The following DOCK5 variants were observed in gnomAD, a reference collection of about 807,000 sequenced individuals.
The protein encoded by DOCK5 is dedicator of cytokinesis 5.
DOCK5 carries 142 observed loss-of-function variants against 251.8 expected under a neutral mutation model. That is an observed-to-expected ratio of 0.56 (90% CI 0.49 to 0.65). The LOEUF (loss-of-function observed/expected upper bound fraction) is 0.65. Ranked by LOEUF, DOCK5 falls within the 30% of genes least tolerant of loss-of-function variation. The probability of loss-of-function intolerance (pLI) is 0.00; values close to 1 mark genes in which losing one functional copy is unlikely to be tolerated. For synonymous variants in DOCK5, 842 were observed against 835.5 expected, an observed-to-expected ratio of 1.01 and a Z score of -0.13; for missense variants, 2,111 against 2,312.3, an observed-to-expected ratio of 0.91 and a Z score of 1.79.
intron 16 of DOCK5, among the ~76,000 whole-genome samples, chr8:25,323,234 G>C (rs922046534): frequency 6.6e-6 from 1 of 152,214 alleles, no homozygotes; most frequent in Admixed American, 6.5e-5. Flanking sequence ...TGGCACTGGA[G>C]CTGGTATTCT....
intron 1 of DOCK5, among the ~76,000 whole-genome samples, chr8:25,232,774 G>T (rs1802703279): frequency 6.6e-6 from 1 of 152,114 alleles, no homozygotes; most frequent in South Asian, 2.1e-4. Context: ...GGGTACAGGA[G>T]ACAAACATTC....
In DOCK5 at chr8:25,331,801, TAGAGAGAGAGAGAGAGAGAGAG is replaced by T. The variant is rs59239520; in HGVS notation, c.1904-430_1904-409del. 3.0e-4 allele frequency among the ~76,000 whole-genome samples: 36 copies of T among 118,514 alleles called. No individual in the cohort carries two copies. In the South Asian group the frequency reaches 4.0e-3, roughly 13 times the overall value. 77.7% of individuals were successfully genotyped at this position (118,514 alleles called of 152,430 possible). On this transcript the variant is annotated intron_variant, in intron 18 of 51. Coordinates refer to ENST00000276440, the MANE Select transcript of DOCK5 (RefSeq NM_024940.8). ...TAATGCATATATATATATATATATA[TAGAGAGAGAGAGAGAGAGAGAG>T]AGAGAGAGAGAGAGAGAGATACACA...
chr8:25,357,036 G>A (rs1800588311), intron 27 of DOCK5, among the ~76,000 whole-genome samples: 1 of 151,004 alleles, frequency 6.6e-6, no homozygotes, highest in African/African-American at 2.4e-5. Context: ...GCTATTATAA[G>A]CCACTAAGCA....
In DOCK5 at chr8:25,282,261, ATTGACAG is replaced by A. The variant is rs534587719; in HGVS notation, c.321+3599_321+3605del. ...TTTTTTTCCTGTCCCTTCCTAAAGC[ATTGACAG>A]TTAACTTGAGGCAGAACTTCTGAAC... On this transcript the variant is annotated intron_variant, in intron 5 of 51. Coordinates refer to ENST00000276440, the MANE Select transcript of DOCK5 (RefSeq NM_024940.8). 6.0e-3 allele frequency among the ~76,000 whole-genome samples: 913 copies of A among 151,142 alleles called. 6 individuals are homozygous for A. Among genetic ancestry groups the A allele is most frequent in the South Asian group, 0.019 (92 of 4,778 alleles).
At chr8:25,351,202 T>A (rs1369558517) in intron 26 of DOCK5, among the ~76,000 whole-genome samples, 1 of 152,026 alleles carries the variant, frequency 6.6e-6, no homozygotes, top group Non-Finnish European at 1.5e-5. Flanking sequence ...GGACTACAGA[T>A]GCCCGCCACC....
At chr8:25,288,832 A>C (rs1224235571) in intron 5 of DOCK5, among the ~76,000 whole-genome samples, 1 of 152,258 alleles carries the variant, frequency 6.6e-6, no homozygotes, top group Admixed American at 6.5e-5. Flanking sequence ...GCTTATTAAA[A>C]ATAGTATCTT....
At chr8:25,240,325 A>C (rs1420523814) in intron 1 of DOCK5, among the ~76,000 whole-genome samples, 1 of 152,172 alleles carries the variant, frequency 6.6e-6, no homozygotes, top group South Asian at 2.1e-4. Context: ...TATATACCAT[A>C]AAATCCACCC....
chr8:25,275,318 C>CTG, intron 3 of DOCK5, 68 bp from the exon 4 acceptor site: 2 of 1,314,660 alleles, frequency 1.5e-6, no homozygotes, highest in Non-Finnish European at 2.1e-6. Flanking sequence ...TTACTTTGGG[C>CTG]TGAGGTGTTT....
chr8:25,203,475 A>G (rs1376276072), intron 1 of DOCK5, among the ~76,000 whole-genome samples: 2 of 152,232 alleles, frequency 1.3e-5, no homozygotes, highest in African/African-American at 4.8e-5. Context: ...GATCTAAGCC[A>G]AGAGCCTTGG....
At chr8:25,189,042 C>CT (rs1432735816) in intron 1 of DOCK5, among the ~76,000 whole-genome samples, 173 of 97,614 alleles carry the variant, frequency 1.8e-3, no homozygotes, top group Middle Eastern at 5.7e-3. Context: ...TTCTTTCTTT[C>CT]TTTCTTTTTT....
intron 40 of DOCK5, among the ~76,000 whole-genome samples, chr8:25,387,372 G>A (rs1285487891): frequency 6.6e-6 from 1 of 152,038 alleles, no homozygotes; most frequent in African/African-American, 2.4e-5. Flanking sequence ...TAGATATGGG[G>A]TCTCACTATC....
At chr8:25,348,826 A>T (rs1444103511) in intron 26 of DOCK5, among the ~76,000 whole-genome samples, 2 of 150,058 alleles carry the variant, frequency 1.3e-5, no homozygotes, top group Non-Finnish European at 3.0e-5. Context: ...CAACAGAGCG[A>T]GACTCTGTCT....
chr8:25,213,948 A>C (rs1802165455), intron 1 of DOCK5, among the ~76,000 whole-genome samples: 3 of 152,180 alleles, frequency 2.0e-5, no homozygotes, highest in Admixed American at 2.0e-4. Flanking sequence ...CAGATTTTAG[A>C]ATATTTGTGT....
chr8:25,194,164 C>T lies in DOCK5; in HGVS notation c.43+9213C>T, dbSNP rs11993296. Among the ~76,000 whole-genome samples the T allele has an allele frequency of 3.1e-3, 464 of 150,660 alleles. 3 individuals are homozygous for T. The highest frequency in any genetic ancestry group is 9.6e-3 in the African/African-American group (393 of 41,106). On this transcript the variant is annotated intron_variant, in intron 1 of 51. Transcript: ENST00000276440. ...AAAAAATTAGCCAGGTGTGGCGGTG[C>T]TCACCTGTCATTGCAGCTACTAGGG...
Position 25,413,297 on chromosome 8 carries a change from G to C in DOCK5, c.*1999G>C, listed in dbSNP as rs1313526698. ...CATACTTTTTTTTTCTTCCAAGGTA[G>C]TTTGGAATGTGAGTGCAAGTTAGTT... On this transcript the variant is annotated 3_prime_UTR_variant, in exon 52 of 52. Coordinates refer to ENST00000276440, the MANE Select transcript of DOCK5 (RefSeq NM_024940.8). 1.3e-5 allele frequency: 2 copies of C among 152,128 alleles called. No individual in the cohort carries two copies. The highest frequency in any genetic ancestry group is 4.8e-5 in the African/African-American group (2 of 41,426). The allele number at this position is 152,128 out of a possible 1,614,324, so 9.4% of individuals were successfully genotyped here.
intron 27 of DOCK5, among the ~76,000 whole-genome samples, chr8:25,355,929 A>C (rs572068316): frequency 1.1e-3 from 163 of 152,050 alleles, no homozygotes; most frequent in African/African-American, 3.9e-3. Flanking sequence ...ATGGTGGCTC[A>C]CGCCTGTAAT....
chr8:25,365,657 A>G (rs1800762686), intron 30 of DOCK5, among the ~76,000 whole-genome samples: 2 of 152,104 alleles, frequency 1.3e-5, no homozygotes. Flanking sequence ...CCTCCCACCA[A>G]TTGTGGGAGG....
intron 10 of DOCK5, among the ~76,000 whole-genome samples, chr8:25,303,835 G>T (rs1025212807): frequency 6.6e-6 from 1 of 152,158 alleles, no homozygotes; most frequent in Non-Finnish European, 1.5e-5. Flanking sequence ...GTGGTGGCAT[G>T]TGCTGTAGTA....
intron 42 of DOCK5, 31 bp downstream of exon 42, chr8:25,390,318 AAT>A (rs762368207): frequency 6.8e-6 from 10 of 1,464,464 alleles, no homozygotes; most frequent in Non-Finnish European, 9.3e-7. Flanking sequence ...AAAAAAAAAA[AAT>A]CTGTGTCTAG....
Sources: allele counts gnomAD v4.1 joint callset (sites outside exome capture counted in the v4.1 genomes callset), GRCh38; gene constraint gnomAD v4.1.1; transcripts MANE v1.5; gene names NCBI Gene and HGNC (gene_info 2026-07-23, HGNC 2026-07-21).